Variants in KDM6A observed in about 807,000 individuals in gnomAD.
KDM6A encodes lysine demethylase 6A.
Under a neutral mutation model 117.6 loss-of-function variants are expected in KDM6A, and 11 were observed. That is an observed-to-expected ratio of 0.09 (90% confidence interval 0.06 to 0.15). The LOEUF is 0.15. Among genes scored for constraint, KDM6A ranks in the 10% least tolerant of loss-of-function variants. The probability of loss-of-function intolerance (pLI) is 1.00; values close to 1 mark genes in which losing one functional copy is unlikely to be tolerated. For synonymous variants in KDM6A, 384 were observed against 396.1 expected, an observed-to-expected ratio of 0.97 and a Z score of 0.36; for missense variants, 799 against 1,077.3, an observed-to-expected ratio of 0.74 and a Z score of 3.62.
chrX:45,112,041 C>G lies in KDM6A; in HGVS notation c.*630C>G. Reference sequence around the variant, plus strand: ...CAGATTTGTGATTTTTGTTTCTAATCTTGATGTAAATTTACACTATTTATA... The same window carrying G: ...CAGATTTGTGATTTTTGTTTCTAATGTTGATGTAAATTTACACTATTTATA... On this transcript the variant is annotated 3_prime_UTR_variant, in exon 30 of 30. Coordinates refer to ENST00000611820, the MANE Select transcript of KDM6A (RefSeq NM_001291415.2). 1 of 167,793 alleles carries G rather than the reference C, an allele frequency of 6.0e-6. No individual in the cohort carries two copies. Among genetic ancestry groups the G allele is most frequent in the Non-Finnish European group, 1.2e-5 (1 of 86,899 alleles). The allele number at this position is 167,793 out of a possible 1,213,427, so 13.8% of individuals were successfully genotyped here.
At chrX:45,087,524 A>G (rs1387983325) in intron 25 of KDM6A, among the ~76,000 whole-genome samples, 1 of 112,673 alleles carries the variant, frequency 8.9e-6, no homozygotes, top group African/African-American at 3.2e-5. Context: ...TGATGAAATA[A>G]CCTGATTACT....
At chrX:44,985,167 T>A (rs1285063896) in intron 4 of KDM6A, among the ~76,000 whole-genome samples, 1 of 111,077 alleles carries the variant, frequency 9.0e-6, no homozygotes, top group East Asian at 2.8e-4. Flanking sequence ...TTATTCTCTT[T>A]GAAGCAATTG....
At chrX:45,076,998 T>G (rs1341937703) in intron 19 of KDM6A, among the ~76,000 whole-genome samples, 172 bp downstream of exon 19, 1 of 110,897 alleles carries the variant, frequency 9.0e-6, no homozygotes, top group African/African-American at 3.3e-5. Flanking sequence ...TGTAATAGCA[T>G]TTTTAAAGGA....
chrX:44,994,773 G>A lies in KDM6A; in HGVS notation c.385-16188G>A, dbSNP rs778352898. ...CACACCTGGCCCCTGCTGCTGTGTC[G>A]TTCCCCTATTGGCTAGGGTTAGACT... On this transcript the variant is annotated intron_variant, in intron 4 of 29. Coordinates refer to ENST00000611820, the MANE Select transcript of KDM6A (RefSeq NM_001291415.2). Among the ~76,000 whole-genome samples the A allele has an allele frequency of 2.2e-4, 24 of 111,221 alleles. No homozygotes were observed. The East Asian group carries it at 2.3e-3, about 11-fold the overall frequency.
intron 2 of KDM6A, among the ~76,000 whole-genome samples, chrX:44,902,109 C>G (rs959820557): frequency 9.0e-6 from 1 of 110,694 alleles, no homozygotes; most frequent in African/African-American, 3.3e-5. Flanking sequence ...CGCCTGTAGT[C>G]CCAGCTACTA....
chrX:44,956,989 G>A (rs768155228), intron 2 of KDM6A, among the ~76,000 whole-genome samples: 1 of 110,372 alleles, frequency 9.1e-6, no homozygotes, highest in Non-Finnish European at 1.9e-5. Context: ...AATTAGCCGG[G>A]CATGGTGGTG....
In KDM6A at chrX:45,069,887, C is replaced by T. The variant is rs35467614; in HGVS notation, c.2388C>T (p.Val796=). The part of the protein sequence containing the change: ...TGETPNSTAS[V]EGLPNHVHQM... Reference sequence around the variant, plus strand: ...AGACACCTAACAGCACTGCCAGTGTCGAGGGACTTCCTAATCATGTCCATC... The same window carrying T: ...AGACACCTAACAGCACTGCCAGTGTTGAGGGACTTCCTAATCATGTCCATC... The change falls in exon 18 of 30, where the codon GTC becomes GTT. Residue 796 remains valine, a synonymous_variant. Coordinates refer to ENST00000611820, the MANE Select transcript of KDM6A (RefSeq NM_001291415.2). 6 of 1,210,787 alleles carry T rather than the reference C, an allele frequency of 5.0e-6. No individual in the cohort carries two copies. The highest frequency in any genetic ancestry group is 3.0e-5 in the East Asian group (1 of 33,828).
intron 8 of KDM6A, among the ~76,000 whole-genome samples, chrX:45,044,152 ATTG>A (rs1048386474): frequency 1.8e-5 from 2 of 112,242 alleles, no homozygotes; most frequent in Non-Finnish European, 3.8e-5. Flanking sequence ...CAACGATGAA[ATTG>A]TTAAGTGACA....
At chrX:45,091,476 C>T (rs1026324447) in intron 27 of KDM6A, among the ~76,000 whole-genome samples, 3 of 111,426 alleles carry the variant, frequency 2.7e-5, no homozygotes, top group Non-Finnish European at 5.7e-5. Context: ...AGCAGTGTTT[C>T]CCTAAACTGT....
intron 2 of KDM6A, among the ~76,000 whole-genome samples, chrX:44,943,992 A>G (rs1477229013): frequency 4.5e-5 from 5 of 111,622 alleles, no homozygotes; most frequent in Non-Finnish European, 9.4e-5. Context: ...CTATTCATAT[A>G]GATAATATAG....
At chrX:44,911,242 C>T (rs959324076) in intron 2 of KDM6A, among the ~76,000 whole-genome samples, 4 of 109,275 alleles carry the variant, frequency 3.7e-5, no homozygotes, top group Middle Eastern at 4.4e-3. Flanking sequence ...GGGCGGCTGC[C>T]GGGCGGAGGG....
intron 6 of KDM6A, among the ~76,000 whole-genome samples, chrX:45,029,552 C>G (rs979202146): frequency 5.6e-5 from 6 of 106,936 alleles, no homozygotes; most frequent in Non-Finnish European, 9.6e-5. Flanking sequence ...GTGGAGGTTG[C>G]AGTGAGCCGA....
chrX:44,995,362 A>G (rs1248131616), intron 4 of KDM6A, among the ~76,000 whole-genome samples: 1 of 111,156 alleles, frequency 9.0e-6, no homozygotes, highest in Non-Finnish European at 1.9e-5. Context: ...ATAATTTTGT[A>G]TTAGGAAGGT....
intron 4 of KDM6A, among the ~76,000 whole-genome samples, chrX:45,000,774 G>T (rs976113918): frequency 8.0e-5 from 9 of 112,622 alleles, no homozygotes; most frequent in Non-Finnish European, 1.7e-4. Context: ...CAGGGTGCCG[G>T]ACTTCGGGAT....
chrX:45,042,294 GAGAGGGGAGAGGGA>G lies in KDM6A; in HGVS notation c.654+4606_654+4619del, dbSNP rs1372560708. On this transcript the variant is annotated intron_variant, in intron 8 of 29. Transcript: ENST00000611820. ...AGGGGAGAGGGGAGAGGGGAGAGGGGAGAGGGGAGAGGGAGAGTCATTTGATAAATTTTAATACT... is the reference window on the plus strand; with the variant it reads ...AGGGGAGAGGGGAGAGGGGAGAGGGGGAGTCATTTGATAAATTTTAATACT... 8.1e-4 allele frequency among the ~76,000 whole-genome samples: 56 copies of G among 68,972 alleles called. 1 individual carries two copies. The highest frequency in any genetic ancestry group is 5.0e-3 in the African/African-American group (50 of 9,949). The allele number at this position is 68,972 out of a possible 115,157, so 59.9% of individuals were successfully genotyped here.
intron 2 of KDM6A, among the ~76,000 whole-genome samples, chrX:44,957,032 AG>A (rs2038372274): frequency 9.0e-6 from 1 of 110,722 alleles, no homozygotes; most frequent in South Asian, 3.8e-4. Context: ...TGGGAGGCTG[AG>A]GCAGGAGAAT....
chrX:44,996,518 A>G (rs1252245985), intron 4 of KDM6A, among the ~76,000 whole-genome samples: 2 of 109,682 alleles, frequency 1.8e-5, no homozygotes, highest in East Asian at 3.0e-4. Context: ...GTACAATACT[A>G]CACATACACT....
At chrX:45,110,024 A>C (rs1428720255) in intron 28 of KDM6A, 55 bp from the exon 29 acceptor site, 16 of 1,025,416 alleles carry the variant, frequency 1.6e-5, no homozygotes, top group Non-Finnish European at 2.2e-5. Context: ...ATACTAAAGC[A>C]GTACAGTAAA....
At chrX:44,955,806 A>T (rs764809292) in intron 2 of KDM6A, among the ~76,000 whole-genome samples, 1 of 111,454 alleles carries the variant, frequency 9.0e-6, no homozygotes, top group East Asian at 2.8e-4. Context: ...TTTAATTTTT[A>T]ATTTTATCTT....
Sources: gnomAD v4.1 joint callset for allele counts (sites outside exome capture counted in the v4.1 genomes callset) on GRCh38, gnomAD v4.1.1 for gene constraint, MANE v1.5 for transcripts, NCBI Gene and HGNC (gene_info 2026-07-23, HGNC 2026-07-21) for gene names.